ASB18: variants seen among roughly 807,000 people sequenced by gnomAD.
The protein encoded by ASB18 is ankyrin repeat and SOCS box protein 18.
A neutral mutation model predicts 33.4 loss-of-function variants in ASB18; 33 were observed. That is an observed-to-expected ratio of 0.99 (90% CI 0.75 to 1.32). ASB18 has a LOEUF of 1.32. Ranked by LOEUF, ASB18 falls within the 40% of genes most tolerant of loss-of-function variation. The pLI is 0.00. For synonymous variants in ASB18, 295 were observed against 307.6 expected (o/e 0.96, Z 0.43); for missense variants, 694 against 655.5 (o/e 1.06, Z -0.64).
In ASB18 at chr2:236,215,585, G is replaced by A. The variant is rs1392419328; in HGVS notation, c.597-719C>T. Among the ~76,000 whole-genome samples the A allele has an allele frequency of 6.6e-6, 1 of 152,096 alleles. No homozygotes were observed. The highest frequency in any genetic ancestry group is 1.5e-5 in the Non-Finnish European group (1 of 68,022). ...CAGAGACGAGTGTCTTCCTTCTGCT[G>A]CCTCCAGGAGCATGACTGTCCTCTA... On this transcript the variant is annotated intron_variant, in intron 3 of 5. Coordinates refer to ENST00000409749, the MANE Select transcript of ASB18 (RefSeq NM_212556.4). This position sits in a 1 kb window ranked among gnomAD's most constrained non-coding sequence, Gnocchi z 7.2.
At position 236,259,439 on chromosome 2, in the gene ASB18, A is replaced by C. The variant is rs1236540902; in HGVS notation, c.205+4702T>G. On this transcript the variant is annotated intron_variant, in intron 1 of 5. Coordinates refer to ENST00000409749, the MANE Select transcript of ASB18 (RefSeq NM_212556.4). This position sits in a 1 kb window ranked among gnomAD's most constrained non-coding sequence, Gnocchi z 4.4. The stretch of plus-strand genomic sequence containing the variant: ...TTTGAATTATCCAGTTGGTATATAA[A>C]AAGCAGCCTAGCAAGGCCATGCACT... 2.2e-6 allele frequency: 1 copy of C among 452,882 alleles called. No homozygotes were observed. Among genetic ancestry groups the C allele is most frequent in the Admixed American group, 2.4e-5 (1 of 41,962 alleles). 28.1% of individuals were successfully genotyped at this position (452,882 alleles called of 1,614,324 possible).
At position 236,193,695 on chromosome 2, in the gene ASB18, C is replaced by T. The variant is rs1400739696; in HGVS notation, c.*1177G>A. Among the ~76,000 whole-genome samples, 2 of 152,184 alleles carry T rather than the reference C, an allele frequency of 1.3e-5. No homozygotes were observed. The highest frequency in any genetic ancestry group is 1.9e-4 in the East Asian group (1 of 5,180). Reference sequence around the variant, plus strand: ...CCTGTTATCCCAGCTACCAGGAAGGCTGAAGCAGGAGAATTGCTTGAACCT... The same window carrying T: ...CCTGTTATCCCAGCTACCAGGAAGGTTGAAGCAGGAGAATTGCTTGAACCT... On this transcript the variant is annotated 3_prime_UTR_variant, in exon 6 of 6. Coordinates refer to ENST00000409749, the MANE Select transcript of ASB18 (RefSeq NM_212556.4). This position sits in a 1 kb window ranked among gnomAD's most constrained non-coding sequence, Gnocchi z 5.0.
In ASB18 at chr2:236,219,314, A is replaced by T. The variant is rs1425614381; in HGVS notation, c.597-4448T>A. Among the ~76,000 whole-genome samples, 2 of 152,214 alleles carry T rather than the reference A, an allele frequency of 1.3e-5. No homozygotes were observed. The highest frequency in any genetic ancestry group is 4.8e-5 in the African/African-American group (2 of 41,454). ...AGGTGCAGTTTGATACAAGAACCAC[A>T]ACAGAGGTTATTAATAACAAAACCA... On this transcript the variant is annotated intron_variant, in intron 3 of 5. Coordinates refer to ENST00000409749, the MANE Select transcript of ASB18 (RefSeq NM_212556.4). The surrounding 1 kb of genome is among the most constrained non-coding windows in gnomAD (Gnocchi z 6.4).
Position 236,237,730 on chromosome 2 carries a change from G to A in ASB18, c.555C>T (p.Gly185=). The change falls in exon 3 of 6, where the codon GGC becomes GGT. Residue 185 remains glycine (G), a synonymous_variant. Coordinates refer to ENST00000409749, the MANE Select transcript of ASB18 (RefSeq NM_212556.4). This position sits in a 1 kb window ranked among gnomAD's most constrained non-coding sequence, Gnocchi z 6.2. ...TGCGGCAGAGGTGCAGAGGCGCCAG[G>A]CCCTCGGCGCTGAGCAGGTCGGGGT... The part of the protein sequence containing the change: ...RADPDLLSAE[G]LAPLHLCRTA... 2.1e-6 allele frequency: 3 copies of A among 1,461,006 alleles called. No homozygotes were observed. Among genetic ancestry groups the A allele is most frequent in the Non-Finnish European group, 2.7e-6 (3 of 1,112,364 alleles). The allele number at this position is 1,461,006 out of a possible 1,614,324, so 90.5% of individuals were successfully genotyped here. A position where few individuals can be genotyped will look rare whatever the true frequency, so the allele number is the denominator to read the frequency against.
chr2:236,259,707 A>C lies in ASB18; in HGVS notation c.205+4434T>G, dbSNP rs2060709613. On this transcript the variant is annotated intron_variant, in intron 1 of 5. Coordinates refer to ENST00000409749, the MANE Select transcript of ASB18 (RefSeq NM_212556.4). This position sits in a 1 kb window ranked among gnomAD's most constrained non-coding sequence, Gnocchi z 4.4. ...CAGTGAGCCCAGCAGGATGTTGGGCATCTCAGGTCCATCCTTGCAGGAGAG... is the reference window on the plus strand; with the variant it reads ...CAGTGAGCCCAGCAGGATGTTGGGCCTCTCAGGTCCATCCTTGCAGGAGAG... 1 of 410,188 alleles carries C rather than the reference A, an allele frequency of 2.4e-6. No individual in the cohort carries two copies. The highest frequency in any genetic ancestry group is 2.0e-5 in the African/African-American group (1 of 49,268). 25.4% of individuals were successfully genotyped at this position (410,188 alleles called of 1,614,324 possible).
At chr2:236,206,782 G>T (rs926929418) in intron 4 of ASB18, among the ~76,000 whole-genome samples, 1 of 152,226 alleles carries the variant, frequency 6.6e-6, no homozygotes, top group African/African-American at 2.4e-5. Flanking sequence ...CAAGGGGAAG[G>T]TGAAGTAGCC....
At chr2:236,202,202 C>T (rs1226900250) in intron 4 of ASB18, among the ~76,000 whole-genome samples, 5 of 152,126 alleles carry the variant, frequency 3.3e-5, no homozygotes, top group East Asian at 1.9e-4. Context: ...CCACCCTCCT[C>T]GGCCTCCCAA....
rs1454598717 is a variant in ASB18, at chr2:236,196,456, G to A, written c.1102-71C>T. The A allele has an allele frequency of 1.2e-6, 1 of 821,846 alleles. No homozygotes were observed. The highest frequency in any genetic ancestry group is 2.7e-5 in the East Asian group (1 of 37,516). The allele number at this position is 821,846 out of a possible 1,614,324, so 50.9% of individuals were successfully genotyped here. On this transcript the variant is annotated intron_variant, in intron 4 of 5. Transcript: ENST00000409749. This position sits in a 1 kb window ranked among gnomAD's most constrained non-coding sequence, Gnocchi z 5.6. ...GGGTCTCAGTGGGGAAAGGGTGGGG[G>A]GTGTGGGGGGATGCTCTCCCTAGCT...
At position 236,209,236 on chromosome 2, in the gene ASB18, G is replaced by A. The variant is rs1421490677; in HGVS notation, c.1101+5126C>T. Among the ~76,000 whole-genome samples, 1 of 150,770 alleles carries A rather than the reference G, an allele frequency of 6.6e-6. No homozygotes were observed. Among genetic ancestry groups the A allele is most frequent in the Non-Finnish European group, 1.5e-5 (1 of 67,896 alleles). On this transcript the variant is annotated intron_variant, in intron 4 of 5. Coordinates refer to ENST00000409749, the MANE Select transcript of ASB18 (RefSeq NM_212556.4). This position sits in a 1 kb window ranked among gnomAD's most constrained non-coding sequence, Gnocchi z 4.4. ...AGTATGGTTAGTGCCCAGAAGCTGA[G>A]ACAAGACCAGAGATTTGCAGATGTT...
rs951884986 is a variant in ASB18 at position 236,234,261 on chromosome 2, G to T, written c.596+3428C>A. Among the ~76,000 whole-genome samples the T allele has an allele frequency of 1.3e-5, 2 of 152,192 alleles. No homozygotes were observed. The highest frequency in any genetic ancestry group is 2.9e-5 in the Non-Finnish European group (2 of 68,018). ...CTCCCCTGGCTATGTCCCCTAGGAG[G>T]CTGCTATGAGATGGTTTCTCAATGC... On this transcript the variant is annotated intron_variant, in intron 3 of 5. Coordinates refer to ENST00000409749, the MANE Select transcript of ASB18 (RefSeq NM_212556.4). The surrounding 1 kb of genome is among the most constrained non-coding windows in gnomAD (Gnocchi z 4.1).
chr2:236,254,482 C>T (rs2060682934), intron 1 of ASB18, among the ~76,000 whole-genome samples: 1 of 151,814 alleles, frequency 6.6e-6, no homozygotes, highest in Admixed American at 6.6e-5. Flanking sequence ...TATAAAGTTA[C>T]ATTTTTTACC....
In ASB18 at chr2:236,221,615, A is replaced by G. The variant is rs1029506741; in HGVS notation, c.597-6749T>C. On this transcript the variant is annotated intron_variant, in intron 3 of 5. Coordinates refer to ENST00000409749, the MANE Select transcript of ASB18 (RefSeq NM_212556.4). This position sits in a 1 kb window ranked among gnomAD's most constrained non-coding sequence, Gnocchi z 5.6. ...CCAGCCACATGGAACAGTAAGTCCA[A>G]TAAACCTCTTTCTTTTGTAAATTGC... 1.3e-5 allele frequency among the ~76,000 whole-genome samples: 2 copies of G among 152,160 alleles called. No homozygotes were observed. Among genetic ancestry groups the G allele is most frequent in the Non-Finnish European group, 2.9e-5 (2 of 68,026 alleles).
rs768808929 is a variant in ASB18 at position 236,195,011 on chromosome 2, G to T, written c.1262C>A (p.Pro421Gln). 4 of 1,613,752 alleles carry T rather than the reference G, an allele frequency of 2.5e-6. No individual in the cohort carries two copies. In the East Asian group the frequency reaches 8.9e-5, roughly 36 times the overall value. Residue 421 changes from proline to glutamine, a missense_variant, in exon 6 of 6, where the codon CCA becomes CAA. Physicochemically the swap from Pro to Gln is moderately conservative, Grantham distance 76 (BLOSUM62 -1). Transcript: ENST00000409749. The surrounding 1 kb of genome is among the most constrained non-coding windows in gnomAD (Gnocchi z 5.5). ...YQSLFALALTPRCLQHLCRCA... is the reference protein window; with the variant it reads ...YQSLFALALTQRCLQHLCRCA... ...GCGGCAAAGATGCTGCAGGCAGCGT[G>T]GGGTGAGGGCCAAGGCAAAGAGGGA...
intron 4 of ASB18, among the ~76,000 whole-genome samples, chr2:236,206,277 A>G (rs1422191594): frequency 1.3e-5 from 2 of 151,892 alleles, no homozygotes; most frequent in Non-Finnish European, 2.9e-5. Context: ...AACAATTCAG[A>G]TGATTAGTTT....
rs1367329757 is a variant in ASB18 at position 236,249,615 on chromosome 2, A to T, written c.206-8213T>A. The T allele has an allele frequency of 6.6e-6, 1 of 152,200 alleles. No homozygotes were observed. The highest frequency in any genetic ancestry group is 2.4e-5 in the African/African-American group (1 of 41,450). The allele number at this position is 152,200 out of a possible 1,614,324, so 9.4% of individuals were successfully genotyped here. A position where few individuals can be genotyped will look rare whatever the true frequency, so the allele number is the denominator to read the frequency against. On this transcript the variant is annotated intron_variant, in intron 1 of 5. Transcript: ENST00000409749. This position sits in a 1 kb window ranked among gnomAD's most constrained non-coding sequence, Gnocchi z 4.6. ...TCTTGAAAGAGAGGGATTCTGATGA[A>T]TATAATTTTCTCCAAGCCAGTACAT... is the stretch of plus-strand genomic sequence containing the variant.
rs887255235 is a variant in ASB18, at chr2:236,260,885, C to T, written c.205+3256G>A. On this transcript the variant is annotated intron_variant, in intron 1 of 5. Transcript: ENST00000409749. The surrounding 1 kb of genome is among the most constrained non-coding windows in gnomAD (Gnocchi z 5.1). ...CAGAAAGCAGTTCCCAAGCTCATCC[C>T]ACCATGGAGCTCTTCTCAGGAAGCT... is the stretch of plus-strand genomic sequence containing the variant. 6.6e-6 allele frequency among the ~76,000 whole-genome samples: 1 copy of T among 152,192 alleles called. No individual in the cohort carries two copies. Among genetic ancestry groups the T allele is most frequent in the Non-Finnish European group, 1.5e-5 (1 of 68,038 alleles).
Position 236,241,410 on chromosome 2 carries a change from C to T in ASB18, c.206-8G>A, listed in dbSNP as rs1466379893. 5 of 1,613,956 alleles carry T rather than the reference C, an allele frequency of 3.1e-6. No homozygotes were observed. The Middle Eastern group carries it at 4.9e-4, about 160-fold the overall frequency. ...TCAGATGGTCGAGGTCCCCTGCGAC[C>T]AGGGCAGTGTGGTACTCCTGCACCG... On this transcript the variant is annotated splice_polypyrimidine_tract_variant and splice_region_variant and intron_variant, in intron 1 of 5. Coordinates refer to ENST00000409749, the MANE Select transcript of ASB18 (RefSeq NM_212556.4). The surrounding 1 kb of genome is among the most constrained non-coding windows in gnomAD (Gnocchi z 4.2).
rs2060449450 is a variant in ASB18, at chr2:236,209,545, TG to T, written c.1101+4816del. On this transcript the variant is annotated intron_variant, in intron 4 of 5. Coordinates refer to ENST00000409749, the MANE Select transcript of ASB18 (RefSeq NM_212556.4). The surrounding 1 kb of genome is among the most constrained non-coding windows in gnomAD (Gnocchi z 4.4). ...TCCCAGAGTGCTAGGATTATAGGCG[TG>T]AGCTATTGCCTCTGGCCTAGAATCT... 6.6e-6 allele frequency among the ~76,000 whole-genome samples: 1 copy of T among 152,252 alleles called. No individual in the cohort carries two copies. Among genetic ancestry groups the T allele is most frequent in the Non-Finnish European group, 1.5e-5 (1 of 68,040 alleles).
In ASB18 at chr2:236,196,842, T is replaced by C. The variant is rs1468330632; in HGVS notation, c.1102-457A>G. 6.6e-6 allele frequency among the ~76,000 whole-genome samples: 1 copy of C among 152,244 alleles called. No individual in the cohort carries two copies. Among genetic ancestry groups the C allele is most frequent in the Non-Finnish European group, 1.5e-5 (1 of 68,044 alleles). ...GAGAATTGGGGAAGAGGAATTGTTT[T>C]GCTGTTGAATTTCCTCTTGACTTGG... On this transcript the variant is annotated intron_variant, in intron 4 of 5. Coordinates refer to ENST00000409749, the MANE Select transcript of ASB18 (RefSeq NM_212556.4). The surrounding 1 kb of genome is among the most constrained non-coding windows in gnomAD (Gnocchi z 5.6).
Sources: gnomAD v4.1 joint callset for allele counts (sites outside exome capture counted in the v4.1 genomes callset) on GRCh38, gnomAD v4.1.1 for gene constraint, Gnocchi (gnomAD v3.1) non-coding constraint, MANE v1.5 for transcripts, NCBI Gene and HGNC (gene_info 2026-07-23, HGNC 2026-07-21) for gene names.